ATP8A2: variants seen among roughly 807,000 people sequenced by gnomAD.
ATP8A2 encodes the protein ATPase phospholipid transporting 8A2, also known as phospholipid-transporting ATPase IB.
ATP8A2 carries 100 observed loss-of-function variants against 165.6 expected under a neutral mutation model. That is an observed-to-expected ratio of 0.60 (90% CI 0.51 to 0.71). The LOEUF is 0.71. Ranked by LOEUF, ATP8A2 falls within the 30% of genes least tolerant of loss-of-function variation. ATP8A2 has a pLI of 0.00. For synonymous variants in ATP8A2, 543 were observed against 548.8 expected, an observed-to-expected ratio of 0.99 and a Z score of 0.15; for missense variants, 1,227 against 1,479.5, an observed-to-expected ratio of 0.83 and a Z score of 2.80.
intron 2 of ATP8A2, among the ~76,000 whole-genome samples, chr13:25,479,536 G>A (rs1396489520): frequency 6.6e-5 from 10 of 151,698 alleles, no homozygotes; most frequent in East Asian, 1.9e-4. Flanking sequence ...TGTTTCTCAC[G>A]GAGGGGGATT....
intron 25 of ATP8A2, among the ~76,000 whole-genome samples, chr13:25,728,470 G>A (rs1176404442): frequency 6.6e-6 from 1 of 152,172 alleles, no homozygotes; most frequent in Admixed American, 6.5e-5. Context: ...GCTACACCAA[G>A]CTCCATCCAC....
At chr13:25,711,765 C>T (rs1361001634) in intron 25 of ATP8A2, among the ~76,000 whole-genome samples, 2 of 152,080 alleles carry the variant, frequency 1.3e-5, no homozygotes, top group South Asian at 2.1e-4. Flanking sequence ...GGACTATGAT[C>T]CAGATTTATA....
chr13:25,997,407 CT>C (rs1412304313), intron 35 of ATP8A2, among the ~76,000 whole-genome samples: 1 of 152,166 alleles, frequency 6.6e-6, no homozygotes, highest in African/African-American at 2.4e-5. Context: ...TAATTAAAAT[CT>C]GTCTTGTTGT....
chr13:25,596,035 T>A (rs543984205), intron 24 of ATP8A2, among the ~76,000 whole-genome samples: 1 of 152,364 alleles, frequency 6.6e-6, no homozygotes, highest in Admixed American at 6.5e-5. Context: ...CTTTTTAGGC[T>A]GCATATGTCG....
chr13:25,583,041 G>A (rs2039818567), intron 23 of ATP8A2, among the ~76,000 whole-genome samples: 1 of 152,144 alleles, frequency 6.6e-6, no homozygotes, highest in Non-Finnish European at 1.5e-5. Context: ...ATTTGTGCTG[G>A]TTGTCATTCA....
At chr13:25,411,468 G>A (rs1354719350) in intron 1 of ATP8A2, among the ~76,000 whole-genome samples, 1 of 152,088 alleles carries the variant, frequency 6.6e-6, no homozygotes, top group Non-Finnish European at 1.5e-5. Flanking sequence ...CATAAAGCAG[G>A]AATTATAGTC....
chr13:25,620,473 G>C (rs1393272302), intron 24 of ATP8A2, among the ~76,000 whole-genome samples: 1 of 152,092 alleles, frequency 6.6e-6, no homozygotes, highest in African/African-American at 2.4e-5. Context: ...GTTGCATGTT[G>C]TACGGAAAAA....
intron 33 of ATP8A2, among the ~76,000 whole-genome samples, chr13:25,877,503 G>A (rs1952848683): frequency 6.6e-6 from 1 of 152,204 alleles, no homozygotes; most frequent in African/African-American, 2.4e-5. Context: ...ATATTCATTC[G>A]TGTTGTATGT....
chr13:25,654,792 G>C (rs149862345), intron 24 of ATP8A2, among the ~76,000 whole-genome samples: 2 of 152,122 alleles, frequency 1.3e-5, no homozygotes, highest in Non-Finnish European at 2.9e-5. Context: ...TGTGTGTGAC[G>C]CTGTGCAGGT....
intron 33 of ATP8A2, among the ~76,000 whole-genome samples, chr13:25,908,638 G>T (rs1954017209): frequency 6.6e-6 from 1 of 152,202 alleles, no homozygotes; most frequent in Admixed American, 6.5e-5. Context: ...GGCTTCACTT[G>T]GTTCAAGCCT....
chr13:25,860,775 T>G, intron 31 of ATP8A2, 29 bp from the exon 32 acceptor site: 2 of 1,540,132 alleles, frequency 1.3e-6, no homozygotes, highest in African/African-American at 1.4e-5. Context: ...GAGAATAATG[T>G]GTTTCCAAAC....
chr13:25,986,510 T>C (rs1956282712), intron 35 of ATP8A2, among the ~76,000 whole-genome samples: 2 of 152,236 alleles, frequency 1.3e-5, no homozygotes, highest in African/African-American at 4.8e-5. Context: ...TCTTCCAGGT[T>C]CGTCCATGTT....
intron 24 of ATP8A2, among the ~76,000 whole-genome samples, chr13:25,672,325 T>G (rs1172492908): frequency 6.6e-6 from 1 of 152,188 alleles, no homozygotes; most frequent in Non-Finnish European, 1.5e-5. Flanking sequence ...AGAGAAAGTA[T>G]CTTAGGTCTT....
intron 2 of ATP8A2, among the ~76,000 whole-genome samples, chr13:25,485,368 A>G (rs73475521): frequency 0.013 from 2,031 of 152,360 alleles, 48 homozygotes; most frequent in African/African-American, 0.046. Flanking sequence ...CAATGTGGAC[A>G]TTGGAAAGTC....
chr13:25,922,666 G>A (rs1593565188), intron 33 of ATP8A2, among the ~76,000 whole-genome samples: 2 of 152,296 alleles, frequency 1.3e-5, no homozygotes, highest in Admixed American at 6.5e-5. Context: ...TGACGTTCTC[G>A]CATTCTTTTT....
intron 1 of ATP8A2, among the ~76,000 whole-genome samples, chr13:25,411,503 A>G (rs114143503): frequency 0.011 from 1,749 of 152,334 alleles, 33 homozygotes; most frequent in African/African-American, 0.04. Context: ...AGAGTTGTCT[A>G]TCTTGTCAGC....
chr13:25,465,662 G>GTT (rs1269917247), intron 1 of ATP8A2, among the ~76,000 whole-genome samples: 3 of 81,984 alleles, frequency 3.7e-5, no homozygotes, highest in African/African-American at 1.1e-4. Flanking sequence ...ATCTTGCAGA[G>GTT]TTTTCTTTCT....
At chr13:25,948,312 T>C (rs1423906714) in intron 33 of ATP8A2, among the ~76,000 whole-genome samples, 1 of 152,148 alleles carries the variant, frequency 6.6e-6, no homozygotes, top group East Asian at 1.9e-4. Context: ...ATTGTGGTTA[T>C]AATCGATAGT....
At chr13:25,896,212 C>A (rs966756934) in intron 33 of ATP8A2, among the ~76,000 whole-genome samples, 1 of 152,178 alleles carries the variant, frequency 6.6e-6, no homozygotes. Flanking sequence ...GAATGTGTCC[C>A]AGAGATTCTG....
Sources: gnomAD v4.1 joint callset for allele counts (sites outside exome capture counted in the v4.1 genomes callset) on GRCh38, gnomAD v4.1.1 for gene constraint, MANE v1.5 for transcripts, NCBI Gene and HGNC (gene_info 2026-07-23, HGNC 2026-07-21) for gene names.